Variants in CACNA2D2 observed in about 807,000 individuals in gnomAD.
CACNA2D2 encodes the protein calcium voltage-gated channel auxiliary subunit alpha2delta 2.
Under a neutral mutation model 166.4 loss-of-function variants are expected in CACNA2D2, and 48 were observed. The observed-to-expected ratio is 0.29, with a 90% CI of 0.23 to 0.37. CACNA2D2 has a LOEUF of 0.37. Among genes scored for constraint, CACNA2D2 ranks in the 10% least tolerant of loss-of-function variants. CACNA2D2 has a pLI of 1.00. For missense variants in CACNA2D2, 1,122 were observed against 1,433.0 expected, an observed-to-expected ratio of 0.78 and a Z score of 3.50; for synonymous variants, 561 against 573.7, an observed-to-expected ratio of 0.98 and a Z score of 0.32.
intron 4 of CACNA2D2, among the ~76,000 whole-genome samples, chr3:50,388,911 T>C (rs972655572): frequency 6.6e-6 from 1 of 152,338 alleles, no homozygotes; most frequent in Non-Finnish European, 1.5e-5. Context: ...CACGCATGGG[T>C]AAGACCACAA....
chr3:50,367,968 C>A lies in CACNA2D2; in HGVS notation c.2144-66G>T. ...TGCAGCTCCTTGCCCACCCTCACCCCCACCCTTAAGGCTCCACCAGGAGCC... is the reference window on the plus strand; with the variant it reads ...TGCAGCTCCTTGCCCACCCTCACCCACACCCTTAAGGCTCCACCAGGAGCC... On this transcript the variant is annotated intron_variant, in intron 24 of 37. Coordinates refer to ENST00000424201, the MANE Select transcript of CACNA2D2 (RefSeq NM_006030.4). The surrounding 1 kb of genome is among the most constrained non-coding windows in gnomAD (Gnocchi z 6.5). The A allele has an allele frequency of 7.6e-7, 1 of 1,308,186 alleles. No homozygotes were observed. 81.0% of individuals were successfully genotyped at this position (1,308,186 alleles called of 1,614,324 possible). A position where few individuals can be genotyped will look rare whatever the true frequency, so the allele number is the denominator to read the frequency against.
chr3:50,413,009 C>T (rs527385256), intron 3 of CACNA2D2, among the ~76,000 whole-genome samples: 9 of 152,314 alleles, frequency 5.9e-5, no homozygotes, highest in South Asian at 4.1e-4. Context: ...TCACCTGGCA[C>T]GAGGGTGGAC....
At chr3:50,371,358 G>A (rs1333283919) in intron 22 of CACNA2D2, among the ~76,000 whole-genome samples, 3 of 152,086 alleles carry the variant, frequency 2.0e-5, no homozygotes, top group African/African-American at 7.2e-5. Flanking sequence ...GTGTGTGTGT[G>A]TGTGTGTGTG....
chr3:50,377,381 G>T, intron 17 of CACNA2D2, 86 bp downstream of exon 17: 1 of 1,090,152 alleles, frequency 9.2e-7, no homozygotes, highest in Non-Finnish European at 1.4e-6. Flanking sequence ...CCATGGAGGC[G>T]CTGTAATACC....
chr3:50,362,966 CAGAGA>C lies in CACNA2D2; in HGVS notation c.*1695_*1699del. ...ACAAAATAGAACAACAAAAAAAGGG[CAGAGA>C]AAAGGAAATGGCCCCCCAGTCCCCC... On this transcript the variant is annotated 3_prime_UTR_variant, in exon 38 of 38. Coordinates refer to ENST00000424201, the MANE Select transcript of CACNA2D2 (RefSeq NM_006030.4). 1 of 397,346 alleles carries C rather than the reference CAGAGA, an allele frequency of 2.5e-6. No individual in the cohort carries two copies. The highest frequency in any genetic ancestry group is 1.4e-4 in the South Asian group (1 of 6,998). 24.6% of individuals were successfully genotyped at this position (397,346 alleles called of 1,614,324 possible).
chr3:50,385,944 C>T lies in CACNA2D2; in HGVS notation c.511-1607G>A, dbSNP rs587695718. On this transcript the variant is annotated intron_variant, in intron 5 of 37. Transcript: ENST00000424201. ...TCTGTTCTGATAAGCTATCAGCTGG[C>T]GAACTTCTTCCTTCCTTTTCTTTCC... Among the ~76,000 whole-genome samples, 30 of 152,284 alleles carry T rather than the reference C, an allele frequency of 2.0e-4. No individual in the cohort carries two copies. The South Asian group carries it at 4.4e-3, about 22-fold the overall frequency.
chr3:50,464,629 G>A (rs1391317282), intron 2 of CACNA2D2, among the ~76,000 whole-genome samples: 3 of 152,312 alleles, frequency 2.0e-5, no homozygotes, highest in East Asian at 3.9e-4. Context: ...GAGGAGAAGC[G>A]GCCAGACCCT....
Position 50,377,706 on chromosome 3 carries a change from T to C in CACNA2D2, c.1551+26A>G, listed in dbSNP as rs376853466. 3.7e-6 allele frequency: 6 copies of C among 1,603,670 alleles called. No homozygotes were observed. The African/African-American group carries it at 4.0e-5, about 11-fold the overall frequency. On this transcript the variant is annotated intron_variant, in intron 16 of 37. Transcript: ENST00000424201. ...GCCCATTCCTCCCCAGGCACACCCA[T>C]AGCCCCAACCCTCCCCTTTCCTCAC... is the stretch of plus-strand genomic sequence containing the variant.
chr3:50,434,953 G>C (rs1015002138), intron 2 of CACNA2D2, among the ~76,000 whole-genome samples: 1 of 152,244 alleles, frequency 6.6e-6, no homozygotes, highest in Admixed American at 6.5e-5. Context: ...CTGCCCCAGG[G>C]CACTTGCAGG....
At chr3:50,501,548 G>A (rs1698964191) in intron 1 of CACNA2D2, among the ~76,000 whole-genome samples, 1 of 152,188 alleles carries the variant, frequency 6.6e-6, no homozygotes, top group South Asian at 2.1e-4. Flanking sequence ...TGCCTACTCT[G>A]GTCAGGTTCT....
chr3:50,487,166 T>C (rs1027867325), intron 1 of CACNA2D2, among the ~76,000 whole-genome samples: 1 of 151,158 alleles, frequency 6.6e-6, no homozygotes, highest in African/African-American at 2.5e-5. Flanking sequence ...CCCTGTCCCC[T>C]AGGCTGTCAG....
chr3:50,366,086 C>T lies in CACNA2D2; in HGVS notation c.2787G>A (p.Glu929=). The change falls in exon 32 of 38, where the codon GAG becomes GAA. Residue 929 remains glutamate, a synonymous_variant. Coordinates refer to ENST00000424201, the MANE Select transcript of CACNA2D2 (RefSeq NM_006030.4). The surrounding 1 kb of genome is among the most constrained non-coding windows in gnomAD (Gnocchi z 5.9). ...LYNNSFYTRK[E]SYDYQAACAP... ...CACAGGCTGCCTGATAGTCATAGGA[C>T]TCCTTGCGGGTGTAGAAGGAGTTAT... 2 of 1,613,942 alleles carry T rather than the reference C, an allele frequency of 1.2e-6. No homozygotes were observed. The highest frequency in any genetic ancestry group is 8.5e-7 in the Non-Finnish European group (1 of 1,180,000).
In CACNA2D2 at chr3:50,376,303, T is replaced by C; in HGVS notation, c.1627-115A>G. ...CACCGAGAGATTCTGTTTGCCTGCC[T>C]TGGGCTAAGGGCCCCCCCATGCCAC... is the stretch of plus-strand genomic sequence containing the variant. On this transcript the variant is annotated intron_variant, in intron 17 of 37. Coordinates refer to ENST00000424201, the MANE Select transcript of CACNA2D2 (RefSeq NM_006030.4). The surrounding 1 kb of genome is among the most constrained non-coding windows in gnomAD (Gnocchi z 4.3). 1 of 1,147,112 alleles carries C rather than the reference T, an allele frequency of 8.7e-7. No homozygotes were observed. Among genetic ancestry groups the C allele is most frequent in the Non-Finnish European group, 1.2e-6 (1 of 800,924 alleles). 71.1% of individuals were successfully genotyped at this position (1,147,112 alleles called of 1,614,324 possible).
chr3:50,371,354 G>A (rs1704647622), intron 22 of CACNA2D2, among the ~76,000 whole-genome samples: 1 of 152,052 alleles, frequency 6.6e-6, no homozygotes, highest in South Asian at 2.1e-4. Context: ...GCATGTGTGT[G>A]TGTGTGTGTG....
At position 50,380,137 on chromosome 3, in the gene CACNA2D2, A is replaced by T; in HGVS notation, c.843-119T>A. On this transcript the variant is annotated intron_variant, in intron 8 of 37. Coordinates refer to ENST00000424201, the MANE Select transcript of CACNA2D2 (RefSeq NM_006030.4). This position sits in a 1 kb window ranked among gnomAD's most constrained non-coding sequence, Gnocchi z 4.9. ...TGAGCATGCACTGTGTGGGCCAGGCAGGGTTCTATGCACCGATGATACCAC... is the reference window on the plus strand; with the variant it reads ...TGAGCATGCACTGTGTGGGCCAGGCTGGGTTCTATGCACCGATGATACCAC... The T allele has an allele frequency of 1.0e-6, 1 of 976,292 alleles. No homozygotes were observed. The highest frequency in any genetic ancestry group is 2.0e-5 in the Admixed American group (1 of 50,864). The allele number at this position is 976,292 out of a possible 1,614,324, so 60.5% of individuals were successfully genotyped here.
At chr3:50,405,855 G>T (rs766594587) in intron 3 of CACNA2D2, among the ~76,000 whole-genome samples, 6 of 152,188 alleles carry the variant, frequency 3.9e-5, no homozygotes, top group Non-Finnish European at 7.4e-5. Flanking sequence ...CCTGTTTAAG[G>T]CCTGTTTGTA....
Position 50,475,127 on chromosome 3 carries a change from C to T in CACNA2D2, c.288+991G>A, listed in dbSNP as rs140674176. ...CTGGCTGCCACCCCCACTTCCTGGG[C>T]ACCAGCTATAAGCTAAGCATGAGGA... On this transcript the variant is annotated intron_variant, in intron 2 of 37. Coordinates refer to ENST00000424201, the MANE Select transcript of CACNA2D2 (RefSeq NM_006030.4). 4.6e-5 allele frequency among the ~76,000 whole-genome samples: 7 copies of T among 152,292 alleles called. No individual in the cohort carries two copies. The East Asian group carries it at 1.4e-3, about 29-fold the overall frequency.
intron 3 of CACNA2D2, among the ~76,000 whole-genome samples, chr3:50,416,512 C>T (rs903843929): frequency 6.6e-6 from 1 of 152,230 alleles, no homozygotes; most frequent in Admixed American, 6.5e-5. Flanking sequence ...TGGCACTCCC[C>T]ACTCTGGGCT....
intron 2 of CACNA2D2, 133 bp from the exon 3 acceptor site, chr3:50,434,562 A>T: frequency 2.8e-6 from 2 of 706,040 alleles, no homozygotes; most frequent in Non-Finnish European, 5.0e-6. Flanking sequence ...TTGGCCTCTG[A>T]GAGAGGGCAT....
Sources: allele counts gnomAD v4.1 joint callset (sites outside exome capture counted in the v4.1 genomes callset), GRCh38; gene constraint gnomAD v4.1.1; non-coding constraint Gnocchi (gnomAD v3.1); transcripts MANE v1.5; gene names NCBI Gene and HGNC (gene_info 2026-07-23, HGNC 2026-07-21).